Variants in POU6F2 observed in about 807,000 individuals in gnomAD.
The protein encoded by POU6F2 is POU class 6 homeobox 2, also known as POU domain, class 6, transcription factor 2.
Under a neutral mutation model 71.3 loss-of-function variants are expected in POU6F2, and 31 were observed. That is an observed-to-expected ratio of 0.43 (90% CI 0.33 to 0.59). The LOEUF is 0.59. Ranked by LOEUF, POU6F2 falls within the 20% of genes least tolerant of loss-of-function variation. The probability of loss-of-function intolerance (pLI) is 0.04; values close to 1 mark genes in which losing one functional copy is unlikely to be tolerated. For missense variants in POU6F2, 783 were observed against 856.8 expected, an observed-to-expected ratio of 0.91 and a Z score of 1.07; for synonymous variants, 347 against 355.7, an observed-to-expected ratio of 0.98 and a Z score of 0.27.
intron 2 of POU6F2, among the ~76,000 whole-genome samples, chr7:39,103,850 G>T (rs1230253334): frequency 6.6e-6 from 1 of 152,144 alleles, no homozygotes; most frequent in Non-Finnish European, 1.5e-5. Context: ...ATATTTCAAG[G>T]CTAGAACAGA....
chr7:39,331,333 T>G (rs929318713), intron 4 of POU6F2, among the ~76,000 whole-genome samples: 1 of 152,206 alleles, frequency 6.6e-6, no homozygotes, highest in Non-Finnish European at 1.5e-5. Flanking sequence ...CATTTTAGAC[T>G]TTTTGAGGAA....
intron 5 of POU6F2, among the ~76,000 whole-genome samples, chr7:39,366,292 C>A (rs1451840751): frequency 1.3e-5 from 2 of 152,002 alleles, no homozygotes; most frequent in Admixed American, 6.6e-5. Context: ...CAAAGGACAT[C>A]CTCCCTGAGG....
At chr7:39,221,058 A>T (rs1391057338) in intron 4 of POU6F2, among the ~76,000 whole-genome samples, 2 of 152,134 alleles carry the variant, frequency 1.3e-5, no homozygotes, top group African/African-American at 4.8e-5. Flanking sequence ...TCAGCTTTAA[A>T]TTTTTTTAAA....
chr7:39,026,875 G>A (rs573086819), intron 1 of POU6F2, among the ~76,000 whole-genome samples: 1 of 152,220 alleles, frequency 6.6e-6, no homozygotes, highest in Non-Finnish European at 1.5e-5. Flanking sequence ...ACCTAGGTTG[G>A]AATGCAGGGC....
At chr7:39,094,838 T>C (rs1413742021) in intron 2 of POU6F2, among the ~76,000 whole-genome samples, 1 of 152,078 alleles carries the variant, frequency 6.6e-6, no homozygotes, top group Non-Finnish European at 1.5e-5. Flanking sequence ...GAATAAAAAG[T>C]CAAATGGAAA....
chr7:38,980,439 A>G (rs1311710871), intron 1 of POU6F2, among the ~76,000 whole-genome samples: 2 of 152,238 alleles, frequency 1.3e-5, no homozygotes, highest in African/African-American at 2.4e-5. Flanking sequence ...GGTGGTATAC[A>G]TATTTGAAGT....
At chr7:39,174,471 C>T (rs1793288669) in intron 2 of POU6F2, among the ~76,000 whole-genome samples, 1 of 152,128 alleles carries the variant, frequency 6.6e-6, no homozygotes, top group Non-Finnish European at 1.5e-5. Flanking sequence ...TCATTGTATT[C>T]ATATATTACT....
chr7:39,255,561 C>T lies in POU6F2; in HGVS notation c.598+47941C>T, dbSNP rs183910901. The stretch of plus-strand genomic sequence containing the variant: ...ATAAATGACTGCAGTCTTAATATTT[C>T]GGGAAATGGAGCAGAATGCAAACTA... On this transcript the variant is annotated intron_variant, in intron 4 of 9. Coordinates refer to ENST00000518318, the MANE Select transcript of POU6F2 (RefSeq NM_001370959.1). Among the ~76,000 whole-genome samples, 290 of 152,218 alleles carry T rather than the reference C, an allele frequency of 1.9e-3. 2 individuals carry two copies. The highest frequency in any genetic ancestry group is 1.1e-3 in the Non-Finnish European group (75 of 68,014).
chr7:39,177,329 A>G (rs1485485054), intron 2 of POU6F2, among the ~76,000 whole-genome samples: 1 of 152,154 alleles, frequency 6.6e-6, no homozygotes, highest in Non-Finnish European at 1.5e-5. Context: ...CTCCGTGCCA[A>G]CCGTGATCAA....
intron 2 of POU6F2, among the ~76,000 whole-genome samples, chr7:39,099,749 A>T (rs1791529787): frequency 6.6e-6 from 1 of 152,204 alleles, no homozygotes; most frequent in South Asian, 2.1e-4. Context: ...AAGGCAAATA[A>T]GATGCCTGCA....
intron 1 of POU6F2, among the ~76,000 whole-genome samples, chr7:38,991,638 G>T (rs1441412023): frequency 6.6e-6 from 1 of 152,152 alleles, no homozygotes; most frequent in Non-Finnish European, 1.5e-5. Context: ...TGAGCCCAGG[G>T]GAACAGAGTG....
chr7:39,096,534 C>T (rs1248269913), intron 2 of POU6F2, among the ~76,000 whole-genome samples: 1 of 152,162 alleles, frequency 6.6e-6, no homozygotes, highest in Non-Finnish European at 1.5e-5. Flanking sequence ...GCAGAAGAAG[C>T]GAGGGCTCTT....
intron 2 of POU6F2, among the ~76,000 whole-genome samples, chr7:39,179,630 A>G (rs554291858): frequency 4.1e-4 from 63 of 152,356 alleles, no homozygotes; most frequent in African/African-American, 1.5e-3. Flanking sequence ...GATCCACTGG[A>G]TCTGGGGTGG....
intron 4 of POU6F2, among the ~76,000 whole-genome samples, chr7:39,260,993 T>G (rs1294964355): frequency 1.3e-5 from 2 of 149,956 alleles, no homozygotes; most frequent in Non-Finnish European, 3.0e-5. Context: ...CACACACACA[T>G]CACAGCACAG....
intron 4 of POU6F2, among the ~76,000 whole-genome samples, chr7:39,244,406 A>G (rs532132274): frequency 6.6e-6 from 1 of 152,304 alleles, no homozygotes; most frequent in African/African-American, 2.4e-5. Flanking sequence ...CCGTGTGACC[A>G]TGATGAATTT....
chr7:39,175,476 T>C (rs1440367592), intron 2 of POU6F2, among the ~76,000 whole-genome samples: 1 of 152,184 alleles, frequency 6.6e-6, no homozygotes, highest in Non-Finnish European at 1.5e-5. Flanking sequence ...GACAGGTGTC[T>C]AGGGCCTACT....
intron 1 of POU6F2, among the ~76,000 whole-genome samples, chr7:39,059,550 G>T (rs1790608623): frequency 6.6e-6 from 1 of 150,764 alleles, no homozygotes; most frequent in African/African-American, 2.4e-5. Flanking sequence ...AGGATGTGGA[G>T]AAATTGAAAC....
At chr7:39,198,803 A>G (rs1360338501) in intron 2 of POU6F2, among the ~76,000 whole-genome samples, 1 of 152,192 alleles carries the variant, frequency 6.6e-6, no homozygotes, top group Non-Finnish European at 1.5e-5. Context: ...AGAGATTTTT[A>G]TAGACACCTC....
intron 1 of POU6F2, among the ~76,000 whole-genome samples, chr7:39,067,905 A>G (rs1790792558): frequency 6.6e-6 from 1 of 152,180 alleles, no homozygotes; most frequent in South Asian, 2.1e-4. Context: ...AAAAAATTTT[A>G]AGGATAATAC....
Sources: allele counts gnomAD v4.1 joint callset (sites outside exome capture counted in the v4.1 genomes callset), GRCh38; gene constraint gnomAD v4.1.1; transcripts MANE v1.5; gene names NCBI Gene and HGNC (gene_info 2026-07-23, HGNC 2026-07-21).